Variants in TTBK2 observed in about 807,000 individuals in gnomAD.
TTBK2 encodes the protein tau-tubulin kinase 2.
In TTBK2, 28 loss-of-function variants were observed where a neutral mutation model predicts 110.8. That is an observed-to-expected ratio of 0.25 (90% CI 0.19 to 0.35). TTBK2 has a LOEUF of 0.35. TTBK2 is among the 10% of genes least tolerant of loss of function. The probability of loss-of-function intolerance (pLI) is 1.00; values close to 1 mark genes in which losing one functional copy is unlikely to be tolerated. For missense variants in TTBK2, 1,369 were observed against 1,500.3 expected (o/e 0.91, Z 1.45); for synonymous variants, 532 against 527.3 (o/e 1.01, Z -0.12).
intron 1 of TTBK2, among the ~76,000 whole-genome samples, chr15:42,910,117 T>C (rs957060024): frequency 2.0e-5 from 3 of 152,228 alleles, no homozygotes; most frequent in African/African-American, 7.2e-5. Flanking sequence ...ATGTATGTTT[T>C]ATATACACCA....
At chr15:42,779,685 TAATCC>T (rs1890096921) in intron 11 of TTBK2, among the ~76,000 whole-genome samples, 1 of 151,936 alleles carries the variant, frequency 6.6e-6, no homozygotes, top group Admixed American at 6.6e-5. Context: ...ACAACATTAA[TAATCC>T]AATTCAAGGC....
chr15:42,919,538 T>C (rs1596060975), intron 1 of TTBK2, among the ~76,000 whole-genome samples: 1 of 152,226 alleles, frequency 6.6e-6, no homozygotes, highest in Admixed American at 6.5e-5. Flanking sequence ...TGTGTCTACA[T>C]GTGCCCATTC....
intron 1 of TTBK2, among the ~76,000 whole-genome samples, chr15:42,888,639 T>C (rs566505871): frequency 6.6e-6 from 1 of 152,254 alleles, no homozygotes; most frequent in African/African-American, 2.4e-5. Context: ...TCAATATTTA[T>C]ACTGACCCCA....
chr15:42,765,241 G>A (rs940642607), intron 13 of TTBK2, among the ~76,000 whole-genome samples: 2 of 152,206 alleles, frequency 1.3e-5, no homozygotes, highest in Admixed American at 1.3e-4. Context: ...CGCCATCAAC[G>A]GAACAAAGCT....
chr15:42,777,343 G>T, intron 11 of TTBK2, 101 bp from the exon 12 acceptor site: 1 of 1,242,430 alleles, frequency 8.0e-7, no homozygotes, highest in Non-Finnish European at 1.1e-6. Context: ...ATGATTAGAT[G>T]TGTTTTCAGA....
intron 5 of TTBK2, among the ~76,000 whole-genome samples, chr15:42,828,462 TC>T (rs1313219498): frequency 6.6e-6 from 1 of 150,606 alleles, no homozygotes; most frequent in Non-Finnish European, 1.5e-5. Context: ...ACGCCTATAC[TC>T]CCAGCATTTT....
chr15:42,802,015 C>A, intron 9 of TTBK2: 1 of 1,496,032 alleles, frequency 6.7e-7, no homozygotes, highest in Non-Finnish European at 9.2e-7. Context: ...CATGTTGCTC[C>A]GAGCCATCTT....
intron 6 of TTBK2, among the ~76,000 whole-genome samples, chr15:42,827,412 C>T (rs1021189651): frequency 6.6e-6 from 1 of 151,984 alleles, no homozygotes; most frequent in African/African-American, 2.4e-5. Context: ...ATGACTTACA[C>T]ATAGGGGGAA....
intron 11 of TTBK2, among the ~76,000 whole-genome samples, chr15:42,782,817 C>T (rs928796116): frequency 1.3e-5 from 2 of 152,092 alleles, no homozygotes; most frequent in African/African-American, 2.4e-5. Flanking sequence ...CCATGTCAAG[C>T]GCCACTTCAT....
chr15:42,802,789 G>A (rs1279300238), intron 9 of TTBK2, among the ~76,000 whole-genome samples: 1 of 152,220 alleles, frequency 6.6e-6, no homozygotes, highest in East Asian at 1.9e-4. Flanking sequence ...TCCTGGGTGT[G>A]TCTGTGAGGG....
intron 1 of TTBK2, among the ~76,000 whole-genome samples, chr15:42,915,058 T>A (rs765749038): frequency 1.7e-4 from 26 of 152,268 alleles, no homozygotes; most frequent in Non-Finnish European, 2.6e-4. Context: ...GGAATGAGGC[T>A]ACTGTTACAC....
At chr15:42,918,040 A>C (rs2031177031) in intron 1 of TTBK2, among the ~76,000 whole-genome samples, 1 of 151,894 alleles carries the variant, frequency 6.6e-6, no homozygotes, top group African/African-American at 2.4e-5. Context: ...TAATGATCCT[A>C]AACACTTTCC....
At chr15:42,791,140 T>A (rs1040850455) in intron 10 of TTBK2, among the ~76,000 whole-genome samples, 18 of 152,160 alleles carry the variant, frequency 1.2e-4, no homozygotes, top group African/African-American at 4.3e-4. Context: ...CGCCTTGGCC[T>A]CCCAAAGTGC....
chr15:42,763,147 T>TACAC (rs1889126972), intron 13 of TTBK2, among the ~76,000 whole-genome samples: 3 of 74,638 alleles, frequency 4.0e-5, no homozygotes, highest in African/African-American at 2.4e-4. Context: ...TACATACATA[T>TACAC]ATATATATAC....
At position 42,815,949 on chromosome 15, in the gene TTBK2, T is replaced by TTAAA. The variant is rs1194813331; in HGVS notation, c.603+1082_603+1083insTTTA. On this transcript the variant is annotated intron_variant, in intron 7 of 14. Coordinates refer to ENST00000267890, the MANE Select transcript of TTBK2 (RefSeq NM_173500.4). ...ATTTAAAAATATATATATATATATT[T>TTAAA]AAAAAAAAAATATATATATATATAT... Among the ~76,000 whole-genome samples, 17 of 37,158 alleles carry TTAAA rather than the reference T, an allele frequency of 4.6e-4. 1 individual carries two copies. The highest frequency in any genetic ancestry group is 2.3e-3 in the African/African-American group (13 of 5,710). 24.4% of individuals were successfully genotyped at this position (37,158 alleles called of 152,430 possible). A position where few individuals can be genotyped will look rare whatever the true frequency, so the allele number is the denominator to read the frequency against.
chr15:42,811,664 TG>T (rs992605916), intron 8 of TTBK2, 23 bp downstream of exon 8: 2 of 1,592,918 alleles, frequency 1.3e-6, no homozygotes, highest in Non-Finnish European at 1.7e-6. Context: ...CTACCACAAT[TG>T]ACATCTCCAT....
chr15:42,916,827 T>A (rs796884207), intron 1 of TTBK2, among the ~76,000 whole-genome samples: 13 of 152,312 alleles, frequency 8.5e-5, no homozygotes, highest in African/African-American at 2.4e-4. Flanking sequence ...TCCATTTTTT[T>A]AAAGGCAACT....
At chr15:42,840,819 A>G (rs905206674) in intron 3 of TTBK2, among the ~76,000 whole-genome samples, 1 of 152,182 alleles carries the variant, frequency 6.6e-6, no homozygotes, top group African/African-American at 2.4e-5. Context: ...TGAATTTCAG[A>G]TATGTTATGG....
chr15:42,833,242 T>A, intron 4 of TTBK2, among the ~76,000 whole-genome samples: 2 of 132,634 alleles, frequency 1.5e-5, no homozygotes, highest in African/African-American at 3.0e-5. Flanking sequence ...AGCCACCAAA[T>A]TTTGTAAAAA....
Sources: allele counts gnomAD v4.1 joint callset (sites outside exome capture counted in the v4.1 genomes callset), GRCh38; gene constraint gnomAD v4.1.1; transcripts MANE v1.5; gene names NCBI Gene and HGNC (gene_info 2026-07-23, HGNC 2026-07-21).